The following PHIP variants were observed in gnomAD, a reference collection of about 807,000 sequenced individuals.
PHIP encodes PH-interacting protein.
A neutral mutation model predicts 236.8 loss-of-function variants in PHIP; 54 were observed. The observed-to-expected ratio is 0.23, with a 90% CI of 0.18 to 0.29. The LOEUF is 0.29. Among genes scored for constraint, PHIP ranks in the 10% least tolerant of loss-of-function variants. The probability of loss-of-function intolerance (pLI) is 1.00; values close to 1 mark genes in which losing one functional copy is unlikely to be tolerated. For missense variants in PHIP, 1,370 were observed against 2,190.8 expected (o/e 0.63, Z 7.48); for synonymous variants, 756 against 718.9 (o/e 1.05, Z -0.83).
At chr6:79,072,909 A>T (rs969663810) in intron 4 of PHIP, among the ~76,000 whole-genome samples, 1 of 152,198 alleles carries the variant, frequency 6.6e-6, no homozygotes, top group Non-Finnish European at 1.5e-5. Flanking sequence ...CTTTACTACC[A>T]CTACTAAAGT....
chr6:79,017,112 T>C (rs916145328), intron 12 of PHIP, among the ~76,000 whole-genome samples: 7 of 151,956 alleles, frequency 4.6e-5, no homozygotes, highest in Non-Finnish European at 7.4e-5. Flanking sequence ...CTGGAATATA[T>C]AGGGTGATTT....
intron 27 of PHIP, 49 bp downstream of exon 27, chr6:78,969,786 G>T: frequency 1.2e-6 from 1 of 846,522 alleles, no homozygotes; most frequent in Non-Finnish European, 1.8e-6. Context: ...CACTTACTAA[G>T]AAAAAAAAAC....
intron 7 of PHIP, among the ~76,000 whole-genome samples, chr6:79,037,854 C>G (rs1057434954): frequency 1.3e-5 from 2 of 152,204 alleles, no homozygotes; most frequent in Non-Finnish European, 2.9e-5. Flanking sequence ...ATCAGATACT[C>G]TGCAAGGCAC....
At chr6:79,045,933 T>A (rs1772462149) in intron 6 of PHIP, among the ~76,000 whole-genome samples, 1 of 152,172 alleles carries the variant, frequency 6.6e-6, no homozygotes, top group South Asian at 2.1e-4. Flanking sequence ...TTCTTTTTTA[T>A]CCTCTAGGAT....
chr6:79,077,148 G>A (rs1655694242), intron 4 of PHIP, among the ~76,000 whole-genome samples: 1 of 151,826 alleles, frequency 6.6e-6, no homozygotes, highest in Admixed American at 6.6e-5. Context: ...CCGCACGGAC[G>A]CGCGCGCCGG....
At chr6:78,952,077 G>C (rs1774192712) in intron 35 of PHIP, among the ~76,000 whole-genome samples, 2 of 151,902 alleles carry the variant, frequency 1.3e-5, no homozygotes, top group African/African-American at 4.8e-5. Flanking sequence ...TTCTTTTCTT[G>C]TATATCCCGA....
chr6:78,975,307 T>G (rs893222848), intron 24 of PHIP, among the ~76,000 whole-genome samples: 5 of 152,134 alleles, frequency 3.3e-5, no homozygotes, highest in Admixed American at 1.3e-4. Flanking sequence ...GAAAAGGCCT[T>G]TGACAAAAAT....
chr6:78,966,070 A>G lies in PHIP; in HGVS notation c.3206-14T>C. Reference sequence around the variant, plus strand: ...TGAAGCGGTCACCTGGCCAAGAACAAAAACTAACTCATCATTCTGAAATGC... The same window carrying G: ...TGAAGCGGTCACCTGGCCAAGAACAGAAACTAACTCATCATTCTGAAATGC... On this transcript the variant is annotated splice_polypyrimidine_tract_variant and intron_variant, in intron 27 of 39. Transcript: ENST00000275034. The G allele has an allele frequency of 6.7e-7, 1 of 1,491,434 alleles. No homozygotes were observed. The highest frequency in any genetic ancestry group is 1.7e-5 in the Admixed American group (1 of 59,848). 92.4% of individuals were successfully genotyped at this position (1,491,434 alleles called of 1,614,324 possible).
chr6:78,993,480 TTC>T (rs1769404594), intron 19 of PHIP, among the ~76,000 whole-genome samples: 1 of 152,218 alleles, frequency 6.6e-6, no homozygotes, highest in South Asian at 2.1e-4. Context: ...TCTAAATCTT[TTC>T]TTAGGGGCTA....
In PHIP at chr6:79,010,220, T is replaced by C. The variant is rs116404412; in HGVS notation, c.1524+4862A>G. 4.3e-3 allele frequency among the ~76,000 whole-genome samples: 655 copies of C among 151,982 alleles called. 2 individuals carry two copies. The highest frequency in any genetic ancestry group is 0.014 in the African/African-American group (594 of 41,516). On this transcript the variant is annotated intron_variant, in intron 15 of 39. Coordinates refer to ENST00000275034, the MANE Select transcript of PHIP (RefSeq NM_017934.7). ...TTTGAGCTTCTCTTTCTCCCTTTCCTAGATACATACAGCTACAATTATCTA... is the reference window on the plus strand; with the variant it reads ...TTTGAGCTTCTCTTTCTCCCTTTCCCAGATACATACAGCTACAATTATCTA...
chr6:79,070,052 C>T (rs1380336853), intron 4 of PHIP, among the ~76,000 whole-genome samples: 1 of 151,646 alleles, frequency 6.6e-6, no homozygotes, highest in Non-Finnish European at 1.5e-5. Flanking sequence ...TTACATCTTG[C>T]TAAAAAAAAG....
chr6:79,051,215 T>C (rs1000038125), intron 6 of PHIP, among the ~76,000 whole-genome samples: 3 of 152,178 alleles, frequency 2.0e-5, no homozygotes, highest in African/African-American at 7.2e-5. Context: ...TACCATCTGG[T>C]CTCTACATCA....
intron 4 of PHIP, among the ~76,000 whole-genome samples, chr6:79,073,632 C>A (rs912712149): frequency 3.3e-5 from 5 of 151,930 alleles, no homozygotes; most frequent in Non-Finnish European, 7.4e-5. Context: ...AATCAGCACA[C>A]ACTAAATAAA....
At chr6:79,036,243 AACT>A (rs1264296307) in intron 7 of PHIP, among the ~76,000 whole-genome samples, 2 of 152,178 alleles carry the variant, frequency 1.3e-5, no homozygotes, top group African/African-American at 4.8e-5. Flanking sequence ...TGGACCAAAT[AACT>A]ACCTTTCTAA....
At position 78,982,931 on chromosome 6, in the gene PHIP, T is replaced by G. The variant is rs1465307347; in HGVS notation, c.2724A>C (p.Gly908=). ...EKKKVNEEKD[G]PISPKKKKPK... is the part of the protein sequence containing the mutation. The stretch of plus-strand genomic sequence containing the variant: ...GCTTCTTTTTCTTTGGTGATATTGG[T>G]CCATCTTTTTCTTCATTTACTTTTT... The change falls in exon 23 of 40, where the codon GGA becomes GGC. Residue 908 remains glycine (G), a synonymous_variant. Transcript: ENST00000275034. 1 of 1,595,222 alleles carries G rather than the reference T, an allele frequency of 6.3e-7. No individual in the cohort carries two copies. Among genetic ancestry groups the G allele is most frequent in the Non-Finnish European group, 8.5e-7 (1 of 1,173,092 alleles).
chr6:78,976,195 G>A (rs1392210192), intron 24 of PHIP, among the ~76,000 whole-genome samples: 2 of 149,344 alleles, frequency 1.3e-5, no homozygotes, highest in African/African-American at 4.9e-5. Context: ...CAATGGAACA[G>A]AACAGAGCCC....
Position 79,003,769 on chromosome 6 carries a change from A to G in PHIP, c.1614T>C (p.Leu538=). ...HFACTDSHGH[L]LIFGFGSSSK... ...TACTGGACCCAAAGCCAAAAATTAA[A>G]AGATGTCCATGAGAGTCTGTGCATG... The change falls in exon 16 of 40, where the codon CTT becomes CTC. Residue 538 remains leucine (L), a synonymous_variant. Transcript: ENST00000275034. 3.7e-6 allele frequency: 6 copies of G among 1,609,520 alleles called. No homozygotes were observed. Among genetic ancestry groups the G allele is most frequent in the Non-Finnish European group, 5.1e-6 (6 of 1,177,758 alleles).
intron 20 of PHIP, among the ~76,000 whole-genome samples, chr6:78,989,187 G>A (rs1407487537): frequency 6.6e-6 from 1 of 152,168 alleles, no homozygotes; most frequent in Admixed American, 6.5e-5. Context: ...GGCCAATGTG[G>A]GAGAATCCTG....
rs777920726 is a variant in PHIP at position 79,051,060 on chromosome 6, G to A, written c.440-8057C>T. Among the ~76,000 whole-genome samples the A allele has an allele frequency of 4.1e-4, 62 of 152,086 alleles. 1 individual carries two copies. Among genetic ancestry groups the A allele is most frequent in the Non-Finnish European group, 7.4e-4 (50 of 67,982 alleles). On this transcript the variant is annotated intron_variant, in intron 6 of 39. Coordinates refer to ENST00000275034, the MANE Select transcript of PHIP (RefSeq NM_017934.7). ...GTTTCGGAGGGAATCATATAAGGAGGAATGTTTAATTCACTATAGAGCCAC... is the reference window on the plus strand; with the variant it reads ...GTTTCGGAGGGAATCATATAAGGAGAAATGTTTAATTCACTATAGAGCCAC...
Sources: allele counts gnomAD v4.1 joint callset (sites outside exome capture counted in the v4.1 genomes callset), GRCh38; gene constraint gnomAD v4.1.1; transcripts MANE v1.5; gene names NCBI Gene and HGNC (gene_info 2026-07-23, HGNC 2026-07-21).